PCCA: variants seen among roughly 807,000 people sequenced by gnomAD.
PCCA encodes the protein propionyl-CoA carboxylase subunit alpha.
Under a neutral mutation model 101.3 loss-of-function variants are expected in PCCA, and 74 were observed. That is an observed-to-expected ratio of 0.73 (90% confidence interval 0.61 to 0.89). The LOEUF (loss-of-function observed/expected upper bound fraction) is 0.89, where lower values mean the gene tolerates loss of function less well. Among genes scored for constraint, PCCA ranks in the 40% least tolerant of loss-of-function variants. The pLI is 0.00. For missense variants in PCCA, 891 were observed against 907.0 expected, an observed-to-expected ratio of 0.98 and a Z score of 0.23; for synonymous variants, 294 against 313.6, an observed-to-expected ratio of 0.94 and a Z score of 0.66.
At chr13:100,171,125 A>C (rs1303983442) in intron 6 of PCCA, among the ~76,000 whole-genome samples, 3 of 152,246 alleles carry the variant, frequency 2.0e-5, no homozygotes, top group African/African-American at 7.2e-5. Flanking sequence ...AGCTGTCTTA[A>C]GCCACATGTT....
At chr13:100,415,413 A>G (rs2078302700) in intron 19 of PCCA, among the ~76,000 whole-genome samples, 2 of 152,118 alleles carry the variant, frequency 1.3e-5, no homozygotes, top group Admixed American at 6.6e-5. Context: ...CTCCAAAACA[A>G]AACAAAGCAA....
chr13:100,166,093 T>C (rs546610397), intron 6 of PCCA, among the ~76,000 whole-genome samples: 5 of 152,320 alleles, frequency 3.3e-5, no homozygotes, highest in Non-Finnish European at 7.4e-5. Context: ...TCCAAAGACT[T>C]CCTGGTGCTC....
intron 20 of PCCA, among the ~76,000 whole-genome samples, chr13:100,442,556 A>G (rs2080454090): frequency 6.6e-6 from 1 of 152,224 alleles, no homozygotes; most frequent in Admixed American, 6.5e-5. Flanking sequence ...AGGAATGATA[A>G]TATTGTTTTA....
At chr13:100,385,207 G>T (rs2076431252) in intron 19 of PCCA, among the ~76,000 whole-genome samples, 3 of 152,002 alleles carry the variant, frequency 2.0e-5, no homozygotes, top group Admixed American at 2.0e-4. Context: ...TTTTACATTG[G>T]CAAGAACTTT....
intron 18 of PCCA, among the ~76,000 whole-genome samples, chr13:100,367,936 C>T (rs547311665): frequency 3.8e-4 from 58 of 151,212 alleles, no homozygotes; most frequent in African/African-American, 1.2e-3. Flanking sequence ...CCAGCCCGGG[C>T]GACAGTGCAA....
At chr13:100,371,844 A>G (rs759362627) in intron 19 of PCCA, among the ~76,000 whole-genome samples, 89 of 152,292 alleles carry the variant, frequency 5.8e-4, no homozygotes, top group Middle Eastern at 3.4e-3. Flanking sequence ...ATATAGACCA[A>G]TGGACTAGGA....
chr13:100,290,707 T>G (rs2065055120), intron 12 of PCCA, among the ~76,000 whole-genome samples: 1 of 152,234 alleles, frequency 6.6e-6, no homozygotes, highest in African/African-American at 2.4e-5. Context: ...TTTCTCCTCC[T>G]TGTGGAACTT....
chr13:100,308,000 C>T (rs1394804549), intron 15 of PCCA, among the ~76,000 whole-genome samples: 2 of 151,710 alleles, frequency 1.3e-5, no homozygotes, highest in East Asian at 2.0e-4. Flanking sequence ...CTGGGTGGCT[C>T]GTGCCACCAA....
chr13:100,317,963 G>C (rs950000194), intron 16 of PCCA, among the ~76,000 whole-genome samples: 1 of 152,086 alleles, frequency 6.6e-6, no homozygotes, highest in Admixed American at 6.5e-5. Context: ...TCTCCCATCT[G>C]TATTGTCAGT....
intron 6 of PCCA, among the ~76,000 whole-genome samples, chr13:100,189,507 G>A (rs2152445272): frequency 6.6e-6 from 1 of 152,214 alleles, no homozygotes; most frequent in East Asian, 1.9e-4. Flanking sequence ...GTCGTTTGTT[G>A]GATGTTTAGA....
At chr13:100,379,627 G>T (rs2076112270) in intron 19 of PCCA, among the ~76,000 whole-genome samples, 3 of 152,130 alleles carry the variant, frequency 2.0e-5, no homozygotes, top group South Asian at 2.1e-4. Flanking sequence ...GTTCCATATG[G>T]CTGGGGAGGC....
chr13:100,219,754 G>A (rs1017602343), intron 7 of PCCA, among the ~76,000 whole-genome samples: 7 of 152,142 alleles, frequency 4.6e-5, no homozygotes, highest in African/African-American at 1.4e-4. Flanking sequence ...TAGAACATTT[G>A]CCTACTATCA....
intron 12 of PCCA, among the ~76,000 whole-genome samples, chr13:100,276,017 A>C (rs2063628834): frequency 1.3e-5 from 2 of 152,014 alleles, no homozygotes; most frequent in Non-Finnish European, 2.9e-5. Context: ...TACTTGGGAC[A>C]ATCTCTTTTT....
chr13:100,508,366 A>G (rs1288113678), intron 21 of PCCA, among the ~76,000 whole-genome samples: 1 of 152,234 alleles, frequency 6.6e-6, no homozygotes, highest in African/African-American at 2.4e-5. Flanking sequence ...ATTGCTGCTC[A>G]CTGCCGTTGA....
chr13:100,398,204 T>G (rs1421317120), intron 19 of PCCA, among the ~76,000 whole-genome samples: 2 of 152,224 alleles, frequency 1.3e-5, no homozygotes, highest in African/African-American at 4.8e-5. Context: ...TGCCATTTTA[T>G]TTCATACCAC....
chr13:100,434,344 C>T (rs1246339334), intron 20 of PCCA, among the ~76,000 whole-genome samples: 5 of 152,158 alleles, frequency 3.3e-5, no homozygotes, highest in Admixed American at 6.5e-5. Context: ...CTGAGGCCTT[C>T]TCTTTGGGGT....
chr13:100,098,703 C>G (rs2047001103), intron 1 of PCCA, among the ~76,000 whole-genome samples: 1 of 152,134 alleles, frequency 6.6e-6, no homozygotes, highest in Non-Finnish European at 1.5e-5. Context: ...TGATGGAGCT[C>G]TAGAGTTGAC....
chr13:100,242,972 C>G (rs931405577), intron 8 of PCCA, among the ~76,000 whole-genome samples: 1 of 152,188 alleles, frequency 6.6e-6, no homozygotes, highest in Non-Finnish European at 1.5e-5. Flanking sequence ...TCTCAGCTCA[C>G]TGCAACCTCT....
At chr13:100,428,896 C>T (rs1019003878) in intron 20 of PCCA, among the ~76,000 whole-genome samples, 1 of 152,116 alleles carries the variant, frequency 6.6e-6, no homozygotes, top group African/African-American at 2.4e-5. Flanking sequence ...TCTACTTTAT[C>T]CCTAGGTCAG....
Sources: allele counts gnomAD v4.1 joint callset (sites outside exome capture counted in the v4.1 genomes callset), GRCh38; gene constraint gnomAD v4.1.1; transcripts MANE v1.5; gene names NCBI Gene and HGNC (gene_info 2026-07-23, HGNC 2026-07-21).